The following ERCC2 variants were observed in gnomAD, a reference collection of about 807,000 sequenced individuals.
ERCC2 encodes the protein ERCC excision repair 2, TFIIH core complex helicase subunit, also known as general transcription and DNA repair factor IIH helicase subunit XPD.
Under a neutral mutation model 99.4 loss-of-function variants are expected in ERCC2, and 90 were observed. The ratio of observed to expected loss-of-function variants is 0.91; its 90% CI spans 0.76 to 1.08. The LOEUF (loss-of-function observed/expected upper bound fraction) is 1.08, where lower values mean the gene tolerates loss of function less well. ERCC2 is among the 50% of genes least tolerant of loss of function. The probability of loss-of-function intolerance (pLI) is 0.00; values close to 1 mark genes in which losing one functional copy is unlikely to be tolerated. For missense variants in ERCC2, 993 were observed against 1,038.1 expected, an observed-to-expected ratio of 0.96 and a Z score of 0.60; for synonymous variants, 497 against 432.4, an observed-to-expected ratio of 1.15 and a Z score of -1.85.
At chr19:45,364,704 C>G in intron 7 of ERCC2, 134 bp downstream of exon 7, 1 of 1,271,978 alleles carries the variant, frequency 7.9e-7, no homozygotes, top group East Asian at 2.4e-5. Flanking sequence ...CCAACAGATA[C>G]GGGCACCCAC....
intron 5 of ERCC2, among the ~76,000 whole-genome samples, chr19:45,366,431 C>T (rs962246559): frequency 2.0e-5 from 3 of 152,132 alleles, no homozygotes; most frequent in Non-Finnish European, 4.4e-5. Flanking sequence ...TGTGAGCCAC[C>T]GTGCCCAGCC....
intron 12 of ERCC2, chr19:45,358,785 C>T (rs1972104251): frequency 2.6e-6 from 2 of 776,784 alleles, no homozygotes; most frequent in Admixed American, 3.4e-5. Context: ...CTGTCACTTT[C>T]TGGAATTATT....
At chr19:45,360,112 G>A (rs555273349) in intron 12 of ERCC2, among the ~76,000 whole-genome samples, 40 of 141,184 alleles carry the variant, frequency 2.8e-4, no homozygotes, top group African/African-American at 8.7e-4. Context: ...CGGAGTCTTC[G>A]CTCTGTCGCC....
Position 45,357,561 on chromosome 19 carries a change from C to A in ERCC2, c.1308-18G>T. 6.2e-7 allele frequency: 1 copy of A among 1,614,080 alleles called. No homozygotes were observed. The highest frequency in any genetic ancestry group is 1.3e-5 in the African/African-American group (1 of 75,012). The stretch of plus-strand genomic sequence containing the variant: ...CCATGCAGCTGGAGAGAGATGAGGG[C>A]AGTGAGGGCCCGGGGGGCTGGGCCC... On this transcript the variant is annotated intron_variant, in intron 13 of 22. Coordinates refer to ENST00000391945, the MANE Select transcript of ERCC2 (RefSeq NM_000400.4).
At position 45,351,704 on chromosome 19, in the gene ERCC2, C is replaced by T. The variant is rs145067933; in HGVS notation, c.2208G>A (p.Leu736=). 1.2e-6 allele frequency: 2 copies of T among 1,613,780 alleles called. No individual in the cohort carries two copies. The highest frequency in any genetic ancestry group is 1.1e-5 in the South Asian group (1 of 91,088). The change falls in exon 23 of 23, where the codon CTG becomes CTA. Residue 736 remains leucine, a synonymous_variant. Coordinates refer to ENST00000391945, the MANE Select transcript of ERCC2 (RefSeq NM_000400.4). ...CTAGCTGCTCCAGGCTGAGCAGGGA[C>T]AGGCCCAGCTGATCCTCCTGCAGAG... The part of the protein sequence containing the change: ...QPFHREDQLG[L]SLLSLEQLES...
At chr19:45,367,366 T>TACAC (rs775167295) in intron 5 of ERCC2, among the ~76,000 whole-genome samples, 24 of 90,708 alleles carry the variant, frequency 2.6e-4, no homozygotes, top group Non-Finnish European at 4.2e-4. Flanking sequence ...TATATATATA[T>TACAC]ATACACACAC....
chr19:45,361,666 C>CGG (rs56170134), intron 11 of ERCC2, 24 bp from the exon 12 acceptor site: 1 of 1,547,846 alleles, frequency 6.5e-7, no homozygotes, highest in African/African-American at 1.4e-5. Flanking sequence ...GAGACGGGGT[C>CGG]GGGGGGCAGA....
intron 5 of ERCC2, among the ~76,000 whole-genome samples, chr19:45,365,593 AGAGT>A (rs1972399154): frequency 6.6e-6 from 1 of 151,952 alleles, no homozygotes; most frequent in African/African-American, 2.4e-5. Flanking sequence ...CCTGGGCGAC[AGAGT>A]GAGACACCAT....
At chr19:45,361,464 G>T in intron 12 of ERCC2, 60 bp downstream of exon 12, 1 of 1,250,902 alleles carries the variant, frequency 8.0e-7, no homozygotes, top group Non-Finnish European at 1.2e-6. Context: ...TCTAGACCCT[G>T]CTGGGACCCT....
At position 45,350,404 on chromosome 19, in the gene ERCC2, C is replaced by T. The variant is rs1174626750; in HGVS notation, c.*1225G>A. On this transcript the variant is annotated 3_prime_UTR_variant, in exon 23 of 23. Transcript: ENST00000391945. ...GGAAGAGCTGTACAAAGAAATCCTC[C>T]ACAAGGAGGACCTACCCGCCCCTCT... 1 of 1,613,888 alleles carries T rather than the reference C, an allele frequency of 6.2e-7. No homozygotes were observed. Among genetic ancestry groups the T allele is most frequent in the South Asian group, 1.1e-5 (1 of 91,056 alleles).
rs904294195 is a variant in ERCC2, at chr19:45,351,276, C to CT, written c.*352dup. On this transcript the variant is annotated 3_prime_UTR_variant, in exon 23 of 23. Coordinates refer to ENST00000391945, the MANE Select transcript of ERCC2 (RefSeq NM_000400.4). ...CCTCCCCTCCAACCATCCCCTGTGC[C>CT]TGTCTCCAGTTTCCCAGCTGGCACC... The CT allele has an allele frequency of 1.2e-6, 2 of 1,612,066 alleles. No individual in the cohort carries two copies. The highest frequency in any genetic ancestry group is 2.7e-5 in the African/African-American group (2 of 74,896).
At position 45,357,486 on chromosome 19, in the gene ERCC2, G is replaced by A; in HGVS notation, c.1365C>T (p.Ile455=). ...KPVFERFQSV[I]ITSGTLSPLD... is the part of the protein sequence containing the mutation. ...GAAGGGTCCTTACCCCAGATGTGAT[G>A]ATGACAGACTGGAAACGCTCAAATA... The change falls in exon 14 of 23, where the codon ATC becomes ATT. Residue 455 remains isoleucine, a synonymous_variant. Transcript: ENST00000391945. 6.2e-7 allele frequency: 1 copy of A among 1,614,132 alleles called. No individual in the cohort carries two copies. The highest frequency in any genetic ancestry group is 2.2e-5 in the East Asian group (1 of 44,878).
Position 45,370,569 on chromosome 19 carries a change from G to A in ERCC2, c.-29C>T, listed in dbSNP as rs773495587. ...GCCGGCCGGACTGTGCAGCGGGGTC[G>A]ACCCGCCTCCCTCATGAATATTCAG... On this transcript the variant is annotated 5_prime_UTR_variant, in exon 1 of 23. Coordinates refer to ENST00000391945, the MANE Select transcript of ERCC2 (RefSeq NM_000400.4). 1.9e-6 allele frequency: 3 copies of A among 1,588,108 alleles called. No individual in the cohort carries two copies. The highest frequency in any genetic ancestry group is 2.3e-5 in the South Asian group (2 of 88,568).
In ERCC2 at chr19:45,368,958, CAGT is replaced by C; in HGVS notation, c.215_217del (p.Tyr72del). 1.2e-6 allele frequency: 2 copies of C among 1,614,226 alleles called. No individual in the cohort carries two copies. The highest frequency in any genetic ancestry group is 1.7e-6 in the Non-Finnish European group (2 of 1,180,040). On this transcript the variant is annotated inframe_deletion, in exon 4 of 23. Transcript: ENST00000391945. ...CTCAATCTCTGGCACAGTTCTTGAGCAGTAGATGAGTTTGGTCACCTCCAGCGG... is the reference window on the plus strand; with the variant it reads ...CTCAATCTCTGGCACAGTTCTTGAGCAGATGAGTTTGGTCACCTCCAGCGG...
rs765473912 is a variant in ERCC2 at position 45,370,248 on chromosome 19, G to A, written c.6-16C>T. On this transcript the variant is annotated splice_polypyrimidine_tract_variant and intron_variant, in intron 1 of 22. Coordinates refer to ENST00000391945, the MANE Select transcript of ERCC2 (RefSeq NM_000400.4). Reference sequence around the variant, plus strand: ...CACGTTGAGCCTGGCGGCAGGGGCTGCTGGGTCAGTTCCCGTCCCCTCAGC... The same window carrying A: ...CACGTTGAGCCTGGCGGCAGGGGCTACTGGGTCAGTTCCCGTCCCCTCAGC... 11 of 1,612,514 alleles carry A rather than the reference G, an allele frequency of 6.8e-6. No homozygotes were observed. The highest frequency in any genetic ancestry group is 9.3e-6 in the Non-Finnish European group (11 of 1,179,126).
intron 12 of ERCC2, chr19:45,359,036 T>A (rs1972116132): frequency 1.6e-6 from 1 of 623,372 alleles, no homozygotes; most frequent in Admixed American, 2.6e-5. Context: ...CCTGCTCGCA[T>A]GGGTTCGCAG....
Position 45,352,825 on chromosome 19 carries a change from CAGAGG to C in ERCC2, c.1832-14_1832-10del, listed in dbSNP as rs1971859786. The C allele has an allele frequency of 6.2e-7, 1 of 1,612,784 alleles. No individual in the cohort carries two copies. Among genetic ancestry groups the C allele is most frequent in the South Asian group, 1.1e-5 (1 of 91,026 alleles). On this transcript the variant is annotated splice_polypyrimidine_tract_variant and intron_variant, in intron 19 of 22. Coordinates refer to ENST00000391945, the MANE Select transcript of ERCC2 (RefSeq NM_000400.4). ...CCGCCCGTAGTGGTGCACTGGTGGG[CAGAGG>C]AGAGGGGGCGAGGGGGGTTACAAGT... is the stretch of plus-strand genomic sequence containing the variant.
chr19:45,350,367 G>T lies in ERCC2; in HGVS notation c.*1262C>A. 1 of 1,613,556 alleles carries T rather than the reference G, an allele frequency of 6.2e-7. No homozygotes were observed. The highest frequency in any genetic ancestry group is 8.5e-7 in the Non-Finnish European group (1 of 1,179,978). On this transcript the variant is annotated 3_prime_UTR_variant, in exon 23 of 23. Coordinates refer to ENST00000391945, the MANE Select transcript of ERCC2 (RefSeq NM_000400.4). ...CCTCAGCCTACCTGAAACAGAACAA[G>T]TATCAACAAGCGGAAGAGCTGTACA...
intron 12 of ERCC2, chr19:45,358,649 C>T: frequency 1.7e-6 from 1 of 596,908 alleles, no homozygotes; most frequent in South Asian, 1.9e-5. Flanking sequence ...CCTGGAAAAC[C>T]TCCCAAGGCT....
Sources: gnomAD v4.1 joint callset for allele counts (sites outside exome capture counted in the v4.1 genomes callset) on GRCh38, gnomAD v4.1.1 for gene constraint, MANE v1.5 for transcripts, NCBI Gene and HGNC (gene_info 2026-07-23, HGNC 2026-07-21) for gene names.